The following SIPA1L3 variants were observed in gnomAD, a reference collection of about 807,000 sequenced individuals.
SIPA1L3 encodes signal induced proliferation associated 1 like 3, also known as signal-induced proliferation-associated 1-like protein 3.
In SIPA1L3, 59 loss-of-function variants were observed where a neutral mutation model predicts 150.1. The ratio of observed to expected loss-of-function variants is 0.39; its 90% CI spans 0.32 to 0.49. The LOEUF (loss-of-function observed/expected upper bound fraction) is 0.49, where lower values mean the gene tolerates loss of function less well. SIPA1L3 is among the 20% of genes least tolerant of loss of function. The pLI, the probability that SIPA1L3 is intolerant of heterozygous loss-of-function variation, is 0.86. For missense variants in SIPA1L3, 2,211 were observed against 2,489.5 expected (o/e 0.89, Z 2.38); for synonymous variants, 1,070 against 1,077.6 (o/e 0.99, Z 0.14).
At chr19:37,984,072 C>T (rs1019887878) in intron 1 of SIPA1L3, among the ~76,000 whole-genome samples, 1 of 152,160 alleles carries the variant, frequency 6.6e-6, no homozygotes, top group African/African-American at 2.4e-5. Flanking sequence ...CCCAGCCCGG[C>T]TGAATCTCCT....
rs558674654 is a variant in SIPA1L3, at chr19:38,187,827, G to A, written c.4431-4318G>A. The stretch of plus-strand genomic sequence containing the variant: ...AGCCTGACCAACATAGTGAAACCCC[G>A]TCTCTACGAAAATACAAAAATTAGC... On this transcript the variant is annotated intron_variant, in intron 16 of 21. Coordinates refer to ENST00000222345, the MANE Select transcript of SIPA1L3 (RefSeq NM_015073.3). 7.9e-4 allele frequency among the ~76,000 whole-genome samples: 119 copies of A among 151,156 alleles called. 1 individual carries two copies. Among genetic ancestry groups the A allele is most frequent in the Non-Finnish European group, 1.3e-3 (85 of 67,908 alleles).
At chr19:38,061,459 A>C (rs1333611562) in intron 2 of SIPA1L3, among the ~76,000 whole-genome samples, 3 of 150,920 alleles carry the variant, frequency 2.0e-5, no homozygotes. Flanking sequence ...ATCTGGGAGG[A>C]GGTGACCAGA....
chr19:37,992,186 TC>T (rs1967525126), intron 1 of SIPA1L3, among the ~76,000 whole-genome samples: 2 of 152,174 alleles, frequency 1.3e-5, no homozygotes, highest in African/African-American at 4.8e-5. Context: ...AGTCCCAACC[TC>T]TTAAGGCTGC....
chr19:37,963,060 G>T (rs2046873734), intron 1 of SIPA1L3, among the ~76,000 whole-genome samples: 1 of 152,218 alleles, frequency 6.6e-6, no homozygotes, highest in African/African-American at 2.4e-5. Context: ...TAAAGGTTGT[G>T]CTGAAACACC....
chr19:37,965,077 T>C (rs959427694), intron 1 of SIPA1L3, among the ~76,000 whole-genome samples: 2 of 152,220 alleles, frequency 1.3e-5, no homozygotes, highest in Non-Finnish European at 2.9e-5. Flanking sequence ...TCAAGAAAAT[T>C]TCTTTCCTAA....
chr19:38,140,021 C>T (rs919267485), intron 10 of SIPA1L3, among the ~76,000 whole-genome samples: 1 of 152,230 alleles, frequency 6.6e-6, no homozygotes, highest in Non-Finnish European at 1.5e-5. Context: ...GTTTCCAACA[C>T]GTGACTTTTG....
intron 1 of SIPA1L3, among the ~76,000 whole-genome samples, chr19:37,973,554 A>AGGG (rs529590845): frequency 1.6e-3 from 52 of 31,684 alleles, no homozygotes; most frequent in East Asian, 2.8e-3. Context: ...AAAAAAAAAA[A>AGGG]GCGGGAGGGG....
intron 20 of SIPA1L3, 131 bp downstream of exon 20, chr19:38,202,128 A>C: frequency 5.0e-6 from 4 of 796,268 alleles, no homozygotes; most frequent in East Asian, 2.8e-5. Flanking sequence ...TATAGCAGCT[A>C]CTCCCCCCTC....
intron 10 of SIPA1L3, 77 bp downstream of exon 10, chr19:38,130,849 C>A: frequency 1.4e-6 from 2 of 1,473,612 alleles, no homozygotes; most frequent in South Asian, 1.3e-5. Context: ...CTGGCACTGT[C>A]ACTTGAGGTC....
At chr19:38,108,596 G>A (rs939341507) in intron 7 of SIPA1L3, 1 of 152,216 alleles carries the variant, frequency 6.6e-6, no homozygotes, top group Non-Finnish European at 1.5e-5. Context: ...TTCACACTGT[G>A]AGCCATGTCA....
chr19:38,125,483 C>G (rs1971150853), intron 9 of SIPA1L3, among the ~76,000 whole-genome samples: 1 of 152,202 alleles, frequency 6.6e-6, no homozygotes, highest in Non-Finnish European at 1.5e-5. Flanking sequence ...CACACCCACC[C>G]CCGTGCCTAC....
At chr19:38,128,297 G>A (rs114558779) in intron 9 of SIPA1L3, among the ~76,000 whole-genome samples, 64 of 152,200 alleles carry the variant, frequency 4.2e-4, no homozygotes, top group African/African-American at 1.5e-3. Context: ...AAGTGTCACA[G>A]TGTGCCTCAG....
chr19:38,023,413 T>G (rs1028081696), intron 1 of SIPA1L3, among the ~76,000 whole-genome samples: 1 of 152,188 alleles, frequency 6.6e-6, no homozygotes, highest in Non-Finnish European at 1.5e-5. Context: ...GGAAACATGA[T>G]TAATTGCAAG....
At chr19:38,078,554 A>G (rs1276308856) in intron 2 of SIPA1L3, among the ~76,000 whole-genome samples, 1 of 150,698 alleles carries the variant, frequency 6.6e-6, no homozygotes, top group East Asian at 2.0e-4. Flanking sequence ...ACACACAGAC[A>G]CGCACACAGA....
chr19:38,117,464 A>T (rs1970913514), intron 8 of SIPA1L3, among the ~76,000 whole-genome samples: 1 of 152,114 alleles, frequency 6.6e-6, no homozygotes, highest in Admixed American at 6.6e-5. Flanking sequence ...TACTAAAAAT[A>T]CAAAATTAGC....
intron 13 of SIPA1L3, among the ~76,000 whole-genome samples, chr19:38,159,114 G>A (rs1972016440): frequency 6.6e-6 from 1 of 152,256 alleles, no homozygotes; most frequent in African/African-American, 2.4e-5. Context: ...AGGCAGAGCA[G>A]GTGGACAAAG....
intron 1 of SIPA1L3, chr19:37,964,811 A>G (rs566180513): frequency 6.6e-6 from 1 of 152,134 alleles, no homozygotes; most frequent in East Asian, 1.9e-4. Flanking sequence ...ATTTAATAGT[A>G]ATTTCTTAAT....
At chr19:38,015,564 A>G (rs895389337) in intron 1 of SIPA1L3, among the ~76,000 whole-genome samples, 9 of 151,916 alleles carry the variant, frequency 5.9e-5, no homozygotes, top group African/African-American at 1.9e-4. Context: ...TCACTACAAA[A>G]TATACAAAAA....
At chr19:37,986,309 G>A (rs938149299) in intron 1 of SIPA1L3, among the ~76,000 whole-genome samples, 1 of 152,232 alleles carries the variant, frequency 6.6e-6, no homozygotes, top group Non-Finnish European at 1.5e-5. Flanking sequence ...AGTGCACACA[G>A]GATGTGCTAC....
Sources: gnomAD v4.1 joint callset for allele counts (sites outside exome capture counted in the v4.1 genomes callset) on GRCh38, gnomAD v4.1.1 for gene constraint, MANE v1.5 for transcripts, NCBI Gene and HGNC (gene_info 2026-07-23, HGNC 2026-07-21) for gene names.